Variants in IL1RAPL2 observed in about 807,000 individuals in gnomAD.
IL1RAPL2 encodes the protein X-linked interleukin-1 receptor accessory protein-like 2.
A neutral mutation model predicts 44.1 loss-of-function variants in IL1RAPL2; 3 were observed. That is an observed-to-expected ratio of 0.07 (90% CI 0.03 to 0.18). IL1RAPL2 has a LOEUF of 0.18. Ranked by LOEUF, IL1RAPL2 falls within the 10% of genes least tolerant of loss-of-function variation. The pLI is 1.00. For synonymous variants in IL1RAPL2, 181 were observed against 178.8 expected, an observed-to-expected ratio of 1.01 and a Z score of -0.10; for missense variants, 391 against 496.4, an observed-to-expected ratio of 0.79 and a Z score of 2.02.
intron 3 of IL1RAPL2, among the ~76,000 whole-genome samples, chrX:105,226,050 A>C (rs2147631002): frequency 8.9e-6 from 1 of 111,878 alleles, no homozygotes; most frequent in African/African-American, 3.2e-5. Context: ...TAGCCTTGGA[A>C]AATACAGTTA....
chrX:104,849,979 A>G (rs1922184191), intron 2 of IL1RAPL2, among the ~76,000 whole-genome samples: 1 of 111,524 alleles, frequency 9.0e-6, no homozygotes, highest in Non-Finnish European at 1.9e-5. Context: ...ACATGTGTGT[A>G]TATATACACA....
At chrX:105,064,076 G>T (rs765330016) in intron 2 of IL1RAPL2, among the ~76,000 whole-genome samples, 1 of 111,955 alleles carries the variant, frequency 8.9e-6, no homozygotes, top group South Asian at 3.7e-4. Flanking sequence ...AAGCACCAGG[G>T]CTCTACAATC....
chrX:104,742,765 C>T (rs975562910), intron 2 of IL1RAPL2, among the ~76,000 whole-genome samples: 2 of 111,420 alleles, frequency 1.8e-5, no homozygotes, highest in African/African-American at 6.5e-5. Flanking sequence ...TCTTTCTTAC[C>T]CCCAAGGGAA....
rs147271502 is a variant in IL1RAPL2 at position 105,370,330 on chromosome X, T to C, written c.697+102789T>C. 8.0e-3 allele frequency among the ~76,000 whole-genome samples: 898 copies of C among 111,795 alleles called. 13 individuals carry two copies. The highest frequency in any genetic ancestry group is 0.028 in the African/African-American group (860 of 30,721). ...ACAGATTATTTTGTCACCCAGGTTA[T>C]GAGCATAGTACCCAATACGTACTTT... On this transcript the variant is annotated intron_variant, in intron 5 of 10. Coordinates refer to ENST00000372582, the MANE Select transcript of IL1RAPL2 (RefSeq NM_017416.2).
intron 4 of IL1RAPL2, among the ~76,000 whole-genome samples, chrX:105,238,853 A>T (rs1556204787): frequency 9.0e-6 from 1 of 111,512 alleles, no homozygotes; most frequent in African/African-American, 3.3e-5. Context: ...CCTCATGGTC[A>T]CACATTTCCT....
chrX:105,553,171 T>TG (rs1373607631), intron 6 of IL1RAPL2, among the ~76,000 whole-genome samples: 1 of 111,691 alleles, frequency 9.0e-6, no homozygotes, highest in Non-Finnish European at 1.9e-5. Flanking sequence ...TAAACCATAG[T>TG]GGGGTGGTTG....
Position 104,658,841 on chromosome X carries a change from G to A in IL1RAPL2, c.-19-54G>A, listed in dbSNP as rs1665527115. 3.7e-6 allele frequency: 3 copies of A among 802,494 alleles called. No individual in the cohort carries two copies. In the Admixed American group the frequency reaches 7.5e-5, roughly 20 times the overall value. 66.1% of individuals were successfully genotyped at this position (802,494 alleles called of 1,213,427 possible). A position where few individuals can be genotyped will look rare whatever the true frequency, so the allele number is the denominator to read the frequency against. On this transcript the variant is annotated intron_variant, in intron 1 of 10. Transcript: ENST00000372582. Reference sequence around the variant, plus strand: ...AATGTAAAATTATAGGTGTGGTTTTGTTGAGGCCAAGATCTGTGGTTCAAA... The same window carrying A: ...AATGTAAAATTATAGGTGTGGTTTTATTGAGGCCAAGATCTGTGGTTCAAA...
At chrX:104,848,407 C>CTGTA (rs1922118139) in intron 2 of IL1RAPL2, among the ~76,000 whole-genome samples, 4 of 37,383 alleles carry the variant, frequency 1.1e-4, no homozygotes, top group Admixed American at 4.3e-4. Flanking sequence ...AGATTTTTAT[C>CTGTA]TGTATATATA....
At chrX:104,590,037 GT>G (rs779255925) in intron 1 of IL1RAPL2, among the ~76,000 whole-genome samples, 6 of 110,929 alleles carry the variant, frequency 5.4e-5, no homozygotes, top group Non-Finnish European at 9.5e-5. Context: ...CCTAAGTTGG[GT>G]TTTTTGTTTG....
intron 6 of IL1RAPL2, among the ~76,000 whole-genome samples, chrX:105,524,697 A>G (rs760764055): frequency 5.9e-4 from 65 of 111,030 alleles, no homozygotes; most frequent in Non-Finnish European, 1.0e-3. Flanking sequence ...TTATTTTAAA[A>G]TGTTGCACTT....
At chrX:105,131,554 C>A (rs1179126135) in intron 2 of IL1RAPL2, among the ~76,000 whole-genome samples, 2 of 107,570 alleles carry the variant, frequency 1.9e-5, no homozygotes, top group Non-Finnish European at 3.9e-5. Context: ...TGCTCATAGG[C>A]CAATACAGAA....
intron 5 of IL1RAPL2, among the ~76,000 whole-genome samples, chrX:105,331,104 T>C (rs2034982642): frequency 8.9e-6 from 1 of 111,965 alleles, no homozygotes; most frequent in Non-Finnish European, 1.9e-5. Flanking sequence ...ATTATGTTTA[T>C]TATTCAAGGC....
intron 1 of IL1RAPL2, among the ~76,000 whole-genome samples, chrX:104,615,352 C>T (rs754910253): frequency 9.0e-6 from 1 of 110,894 alleles, no homozygotes; most frequent in African/African-American, 3.3e-5. Flanking sequence ...CATGCATTAG[C>T]TATTTTTCCT....
chrX:105,456,250 A>G (rs1055786630), intron 5 of IL1RAPL2, among the ~76,000 whole-genome samples: 1 of 111,949 alleles, frequency 8.9e-6, no homozygotes, highest in African/African-American at 3.3e-5. Context: ...TACATATAAG[A>G]CCATGTCATC....
intron 2 of IL1RAPL2, among the ~76,000 whole-genome samples, chrX:104,829,173 G>A (rs1005341671): frequency 2.7e-5 from 3 of 111,438 alleles, no homozygotes; most frequent in Non-Finnish European, 5.7e-5. Context: ...TGCAACTGGG[G>A]TATGAAAAAA....
At chrX:104,855,823 C>G (rs1394810858) in intron 2 of IL1RAPL2, among the ~76,000 whole-genome samples, 1 of 107,553 alleles carries the variant, frequency 9.3e-6, no homozygotes, top group Non-Finnish European at 1.9e-5. Flanking sequence ...CACCACCACA[C>G]CTGGCTAATT....
rs745643652 is a variant in IL1RAPL2, at chrX:105,757,326, A to G, written c.1363+1979A>G. 2.1e-4 allele frequency among the ~76,000 whole-genome samples: 23 copies of G among 112,149 alleles called. No homozygotes were observed. In the South Asian group the frequency reaches 6.3e-3, roughly 31 times the overall value. On this transcript the variant is annotated intron_variant, in intron 10 of 10. Coordinates refer to ENST00000372582, the MANE Select transcript of IL1RAPL2 (RefSeq NM_017416.2). ...GCTGTAGAATTCATGATGTATAATCACTTATTTGACAGTAAATTTGTACTC... is the reference window on the plus strand; with the variant it reads ...GCTGTAGAATTCATGATGTATAATCGCTTATTTGACAGTAAATTTGTACTC...
chrX:105,030,060 G>A (rs1194077385), intron 2 of IL1RAPL2, among the ~76,000 whole-genome samples: 1 of 111,943 alleles, frequency 8.9e-6, no homozygotes, highest in Non-Finnish European at 1.9e-5. Flanking sequence ...CTTTTGAGAA[G>A]TGTCTGTTCA....
chrX:105,742,803 C>T (rs2038511693), intron 8 of IL1RAPL2, among the ~76,000 whole-genome samples: 1 of 111,218 alleles, frequency 9.0e-6, no homozygotes, highest in South Asian at 3.8e-4. Flanking sequence ...CTAAACAACT[C>T]TTCTTAGAGA....
Sources: gnomAD v4.1 joint callset for allele counts (sites outside exome capture counted in the v4.1 genomes callset) on GRCh38, gnomAD v4.1.1 for gene constraint, MANE v1.5 for transcripts, NCBI Gene and HGNC (gene_info 2026-07-23, HGNC 2026-07-21) for gene names.